The following PDE4B variants were observed in gnomAD, a reference collection of about 807,000 sequenced individuals.
The protein encoded by PDE4B is 3',5'-cyclic-AMP phosphodiesterase 4B.
In PDE4B, 20 loss-of-function variants were observed where a neutral mutation model predicts 82.2. The ratio of observed to expected loss-of-function variants is 0.24; its 90% CI spans 0.17 to 0.35. The LOEUF is 0.35. PDE4B is among the 10% of genes least tolerant of loss of function. The probability of loss-of-function intolerance (pLI) is 1.00; values close to 1 mark genes in which losing one functional copy is unlikely to be tolerated. For missense variants in PDE4B, 655 were observed against 907.2 expected (o/e 0.72, Z 3.57); for synonymous variants, 320 against 318.9 (o/e 1.00, Z -0.04).
At chr1:66,159,985 A>G (rs1646578588) in intron 3 of PDE4B, among the ~76,000 whole-genome samples, 1 of 152,338 alleles carries the variant, frequency 6.6e-6, no homozygotes, top group African/African-American at 2.4e-5. Flanking sequence ...GACTCTTCCC[A>G]TTCACATGCT....
chr1:66,345,895 G>A (rs535178814), intron 8 of PDE4B, among the ~76,000 whole-genome samples: 1 of 152,310 alleles, frequency 6.6e-6, no homozygotes, highest in East Asian at 1.9e-4. Flanking sequence ...AAAGTTGTCA[G>A]GGACCAGTGC....
intron 3 of PDE4B, among the ~76,000 whole-genome samples, chr1:66,045,150 G>A (rs1654619910): frequency 6.6e-6 from 1 of 151,730 alleles, no homozygotes; most frequent in Non-Finnish European, 1.5e-5. Context: ...TTTACAAACT[G>A]ACCTTTTTCT....
chr1:65,917,134 C>CT lies in PDE4B; in HGVS notation c.43-1458dup, dbSNP rs1647170953. ...TTCTATGAGAAAAGATACCATTCCT[C>CT]TTTTTGCTATTGTATCCTTAAATAG... On this transcript the variant is annotated intron_variant, in intron 2 of 16. Transcript: ENST00000341517. 2.6e-5 allele frequency among the ~76,000 whole-genome samples: 4 copies of CT among 152,144 alleles called. No homozygotes were observed. In the South Asian group the frequency reaches 8.3e-4, roughly 32 times the overall value.
chr1:66,045,940 A>G (rs1654688514), intron 3 of PDE4B, among the ~76,000 whole-genome samples: 1 of 151,816 alleles, frequency 6.6e-6, no homozygotes, highest in South Asian at 2.1e-4. Flanking sequence ...GGTGAGAACC[A>G]TACCACAAAT....
In PDE4B at chr1:65,996,555, A is replaced by G. The variant is rs554417710; in HGVS notation, c.281+77720A>G. On this transcript the variant is annotated intron_variant, in intron 3 of 16. Transcript: ENST00000341517. ...TACTATATTTTAAGTTTTTTACTAG[A>G]ATGTCTGCATATGTTATCCCATTTA... Among the ~76,000 whole-genome samples the G allele has an allele frequency of 2.6e-5, 4 of 152,244 alleles. No individual in the cohort carries two copies. The South Asian group carries it at 8.3e-4, about 32-fold the overall frequency.
intron 3 of PDE4B, among the ~76,000 whole-genome samples, chr1:66,215,023 ACT>A (rs1262591047): frequency 1.3e-5 from 2 of 151,792 alleles, no homozygotes; most frequent in Non-Finnish European, 2.9e-5. Flanking sequence ...AAAAGTCTAG[ACT>A]CTAGAAATAG....
At chr1:66,221,627 A>G (rs1299861229) in intron 3 of PDE4B, among the ~76,000 whole-genome samples, 1 of 152,210 alleles carries the variant, frequency 6.6e-6, no homozygotes, top group Non-Finnish European at 1.5e-5. Flanking sequence ...ACAGAATAAT[A>G]TTCAAAACCA....
intron 4 of PDE4B, 86 bp downstream of exon 4, chr1:66,247,740 T>A: frequency 1.0e-6 from 1 of 975,648 alleles, no homozygotes; most frequent in Non-Finnish European, 1.5e-6. Context: ...AATTCCCCAT[T>A]AATCTATGGT....
intron 3 of PDE4B, among the ~76,000 whole-genome samples, chr1:66,195,858 C>G (rs1648256792): frequency 6.6e-6 from 1 of 151,790 alleles, no homozygotes; most frequent in Admixed American, 6.6e-5. Flanking sequence ...ATTTGATAAA[C>G]ATTTTATTGA....
intron 1 of PDE4B, among the ~76,000 whole-genome samples, chr1:65,808,653 G>A (rs1037064922): frequency 6.6e-6 from 1 of 152,194 alleles, no homozygotes; most frequent in Non-Finnish European, 1.5e-5. Context: ...TAATGGCAGT[G>A]GGGGCCCTCT....
chr1:65,901,924 T>A (rs1646975871), intron 1 of PDE4B, among the ~76,000 whole-genome samples: 1 of 152,082 alleles, frequency 6.6e-6, no homozygotes, highest in Non-Finnish European at 1.5e-5. Flanking sequence ...TTGGTTTAGG[T>A]GTTTAGCACT....
intron 3 of PDE4B, among the ~76,000 whole-genome samples, chr1:66,193,995 A>G (rs1648055132): frequency 6.9e-6 from 1 of 145,814 alleles, no homozygotes; most frequent in African/African-American, 2.5e-5. Flanking sequence ...CTTGGTATCT[A>G]GTTCTAGTAA....
At chr1:65,974,244 A>G (rs144469158) in intron 3 of PDE4B, among the ~76,000 whole-genome samples, 79 of 152,332 alleles carry the variant, frequency 5.2e-4, no homozygotes, top group African/African-American at 1.9e-3. Flanking sequence ...AAATGTTCTT[A>G]AAAACCATTA....
intron 7 of PDE4B, among the ~76,000 whole-genome samples, chr1:66,310,762 A>G (rs796106144): frequency 3.9e-5 from 6 of 152,300 alleles, no homozygotes; most frequent in African/African-American, 1.2e-4. Context: ...CTAAGAGTAT[A>G]AGACCTGGAG....
At chr1:65,813,256 A>G (rs1279517714) in intron 1 of PDE4B, among the ~76,000 whole-genome samples, 1 of 152,220 alleles carries the variant, frequency 6.6e-6, no homozygotes, top group Non-Finnish European at 1.5e-5. Context: ...CACTATAATT[A>G]CCATTTAGAT....
intron 3 of PDE4B, among the ~76,000 whole-genome samples, chr1:66,054,390 A>G (rs1655194366): frequency 6.6e-6 from 1 of 151,414 alleles, no homozygotes; most frequent in Non-Finnish European, 1.5e-5. Context: ...CACCCATGTA[A>G]CAGTCACTAT....
At chr1:66,148,710 T>C (rs1646323571) in intron 3 of PDE4B, among the ~76,000 whole-genome samples, 1 of 152,202 alleles carries the variant, frequency 6.6e-6, no homozygotes, top group African/African-American at 2.4e-5. Context: ...ATTTTCTGTC[T>C]CTACAGATTT....
At chr1:66,185,400 C>G (rs1647167226) in intron 3 of PDE4B, among the ~76,000 whole-genome samples, 1 of 152,066 alleles carries the variant, frequency 6.6e-6, no homozygotes, top group South Asian at 2.1e-4. Context: ...GTTCTAGATC[C>G]CTGAGGAATC....
chr1:65,872,384 T>A (rs545814597), intron 1 of PDE4B, among the ~76,000 whole-genome samples: 1 of 152,240 alleles, frequency 6.6e-6, no homozygotes, highest in Non-Finnish European at 1.5e-5. Flanking sequence ...TTCTTAAAAT[T>A]ATGAGTAGAT....
Sources: allele counts gnomAD v4.1 joint callset (sites outside exome capture counted in the v4.1 genomes callset), GRCh38; gene constraint gnomAD v4.1.1; transcripts MANE v1.5; gene names NCBI Gene and HGNC (gene_info 2026-07-23, HGNC 2026-07-21).